Variants in HERC2 observed in about 807,000 individuals in gnomAD.
The protein encoded by HERC2 is HECT and RLD domain containing E3 ubiquitin protein ligase 2.
Under a neutral mutation model 537.7 loss-of-function variants are expected in HERC2, and 102 were observed. The observed-to-expected ratio is 0.19, with a 90% CI of 0.16 to 0.22. The LOEUF (loss-of-function observed/expected upper bound fraction) is 0.22. Among genes scored for constraint, HERC2 ranks in the 10% least tolerant of loss-of-function variants. HERC2 has a pLI of 1.00. For missense variants in HERC2, 4,236 were observed against 6,198.2 expected, an observed-to-expected ratio of 0.68 and a Z score of 10.63; for synonymous variants, 2,224 against 2,466.2, an observed-to-expected ratio of 0.90 and a Z score of 2.91.
intron 76 of HERC2, among the ~76,000 whole-genome samples, 185 bp from the exon 77 acceptor site, chr15:28,142,031 C>G (rs749629934): frequency 6.6e-6 from 1 of 152,156 alleles, no homozygotes; most frequent in Non-Finnish European, 1.5e-5. Flanking sequence ...AATGTCTAGA[C>G]AGTATCATTC....
intron 68 of HERC2, among the ~76,000 whole-genome samples, chr15:28,166,803 G>A (rs956971328): frequency 6.6e-6 from 1 of 151,986 alleles, no homozygotes; most frequent in African/African-American, 2.4e-5. Context: ...CCCAGTGACC[G>A]AGTCCCAGTG....
intron 81 of HERC2, among the ~76,000 whole-genome samples, chr15:28,131,635 T>C (rs982818271): frequency 6.6e-6 from 1 of 152,180 alleles, no homozygotes. Context: ...ACTCAGGCGC[T>C]GTGCAGGCCT....
In HERC2 at chr15:28,268,647, TC is replaced by T. The variant is rs751392843; in HGVS notation, c.1447-32del. ...GAAGGAAAAATACGAAGAAAAGTAG[TC>T]ATCAGTCCAAGGAAAATGAAACCAG... On this transcript the variant is annotated intron_variant, in intron 11 of 92. Transcript: ENST00000261609. The surrounding 1 kb of genome is among the most constrained non-coding windows in gnomAD (Gnocchi z 4.7). 1.4e-5 allele frequency: 22 copies of T among 1,593,712 alleles called. No homozygotes were observed. Among genetic ancestry groups the T allele is most frequent in the Non-Finnish European group, 1.8e-5 (21 of 1,168,024 alleles).
intron 80 of HERC2, 144 bp downstream of exon 80, chr15:28,132,509 T>C: frequency 7.2e-6 from 6 of 829,340 alleles, no homozygotes; most frequent in Non-Finnish European, 1.0e-5. Flanking sequence ...ATGAAGGCTG[T>C]TTATTCACTT....
chr15:28,226,399 T>C (rs1477745291), intron 35 of HERC2, among the ~76,000 whole-genome samples: 1 of 151,246 alleles, frequency 6.6e-6, no homozygotes, highest in African/African-American at 2.5e-5. Context: ...AGGGGGTACC[T>C]GCACAATTAT....
rs758118433 is a variant in HERC2, at chr15:28,168,426, G to A, written c.10394C>T (p.Pro3465Leu). The A allele has an allele frequency of 6.2e-6, 10 of 1,613,516 alleles. No individual in the cohort carries two copies. In the South Asian group the frequency reaches 7.7e-5, roughly 12 times the overall value. The change falls in exon 67 of 93, where the codon CCA (proline) becomes CTA (leucine). Residue 3465 changes from proline to leucine, a missense_variant. Coordinates refer to ENST00000261609, the MANE Select transcript of HERC2 (RefSeq NM_004667.6). ...TTTTACCTCTCTCTTTTCTTGCCAT[G>A]GATTTGGACTCAGTCTGTCTTCGAT... ...VDIEDRLSPN[P>L]WQEKREIVSS... is the part of the protein sequence containing the mutation.
chr15:28,137,439 C>T (rs1890764832), intron 78 of HERC2, among the ~76,000 whole-genome samples: 3 of 152,162 alleles, frequency 2.0e-5, no homozygotes, highest in African/African-American at 4.8e-5. Context: ...AGTCTATCGG[C>T]GCCATTTTCC....
chr15:28,162,546 C>T (rs1214197360), intron 69 of HERC2, among the ~76,000 whole-genome samples: 1 of 152,062 alleles, frequency 6.6e-6, no homozygotes, highest in Non-Finnish European at 1.5e-5. Flanking sequence ...AGAAAAGGGA[C>T]TTAAAGAACT....
chr15:28,212,988 G>C (rs1567021881), intron 42 of HERC2: 1 of 151,506 alleles, frequency 6.6e-6, no homozygotes, highest in Non-Finnish European at 1.5e-5. Context: ...GAGGCGGGCG[G>C]ATCACCTGAG....
Position 28,167,806 on chromosome 15 carries a change from C to G in HERC2, c.10435G>C (p.Val3479Leu), listed in dbSNP as rs751910683. The stretch of plus-strand genomic sequence containing the variant: ...GACGGAGTCACTGCAGAGGGGGTCA[C>G]TGCGTCCTCAGAGGAAACAATCTAG... ...KREIVSSEDA[V>L]TPSAVTPSAP... Residue 3479 changes from valine (V) to leucine (L), a missense_variant, in exon 68 of 93, where the codon GTG (valine) becomes CTG (leucine). Physicochemically the swap from Val to Leu is conservative, Grantham distance 32 (BLOSUM62 1). Coordinates refer to ENST00000261609, the MANE Select transcript of HERC2 (RefSeq NM_004667.6). 2 of 1,613,654 alleles carry G rather than the reference C, an allele frequency of 1.2e-6. No individual in the cohort carries two copies. The highest frequency in any genetic ancestry group is 1.7e-6 in the Non-Finnish European group (2 of 1,179,902).
At chr15:28,218,946 G>A (rs1469240697) in intron 37 of HERC2, among the ~76,000 whole-genome samples, 1 of 151,750 alleles carries the variant, frequency 6.6e-6, no homozygotes, top group Non-Finnish European at 1.5e-5. Flanking sequence ...CTCCCACCTC[G>A]ACCTCCCAAA....
At chr15:28,311,905 T>C (rs1296398718) in intron 2 of HERC2, among the ~76,000 whole-genome samples, 1 of 152,036 alleles carries the variant, frequency 6.6e-6, no homozygotes, top group Non-Finnish European at 1.5e-5. Flanking sequence ...ATGGAACATT[T>C]AAAGACTAAG....
In HERC2 at chr15:28,113,867, T is replaced by C. The variant is rs113186899; in HGVS notation, c.13914-189A>G. ...AGAGCTTCTCCTGACACTGGGCTCA[T>C]CTCGTCCAGCCGACAGGGTACGGCC... On this transcript the variant is annotated intron_variant, in intron 90 of 92. Transcript: ENST00000261609. The surrounding 1 kb of genome is among the most constrained non-coding windows in gnomAD (Gnocchi z 7.0). 1.4e-3 allele frequency: 889 copies of C among 625,428 alleles called. 7 individuals carry two copies. In the African/African-American group the frequency reaches 0.015, roughly 10 times the overall value. 38.7% of individuals were successfully genotyped at this position (625,428 alleles called of 1,614,324 possible).
In HERC2 at chr15:28,225,014, G is replaced by A. The variant is rs117624692; in HGVS notation, c.5465-2799C>T. On this transcript the variant is annotated intron_variant, in intron 35 of 92. Coordinates refer to ENST00000261609, the MANE Select transcript of HERC2 (RefSeq NM_004667.6). ...AGGGATGAAGGGGCAATTATACTATGAAAGTCTGCATTTACAAAAGATGAT... is the reference window on the plus strand; with the variant it reads ...AGGGATGAAGGGGCAATTATACTATAAAAGTCTGCATTTACAAAAGATGAT... 0.01 allele frequency among the ~76,000 whole-genome samples: 1,584 copies of A among 152,314 alleles called. 219 individuals carry two copies. The East Asian group carries it at 0.29, about 28-fold the overall frequency.
chr15:28,137,217 G>A (rs1021018993), intron 78 of HERC2, among the ~76,000 whole-genome samples: 8 of 152,210 alleles, frequency 5.3e-5, no homozygotes, highest in African/African-American at 1.9e-4. Context: ...AATTGACACA[G>A]AGGGGCTATA....
At chr15:28,207,077 T>C (rs1898559859) in intron 44 of HERC2, among the ~76,000 whole-genome samples, 1 of 151,884 alleles carries the variant, frequency 6.6e-6, no homozygotes, top group African/African-American at 2.4e-5. Flanking sequence ...TGTCCTTCAT[T>C]AGTGCATCTG....
intron 35 of HERC2, among the ~76,000 whole-genome samples, chr15:28,226,047 T>C (rs962617888): frequency 2.6e-5 from 4 of 152,192 alleles, no homozygotes; most frequent in African/African-American, 9.6e-5. Context: ...AAAAACAGAA[T>C]ATATGGGAAC....
At position 28,269,000 on chromosome 15, in the gene HERC2, C is replaced by T. The variant is rs973107843; in HGVS notation, c.1446+248G>A. Among the ~76,000 whole-genome samples, 7 of 152,310 alleles carry T rather than the reference C, an allele frequency of 4.6e-5. No individual in the cohort carries two copies. The highest frequency in any genetic ancestry group is 3.9e-4 in the East Asian group (2 of 5,188). Reference sequence around the variant, plus strand: ...GGCCCCAACGTCAAATGAGTTTACACGTGGAAATGAGTTTACAAACGGGAA... The same window carrying T: ...GGCCCCAACGTCAAATGAGTTTACATGTGGAAATGAGTTTACAAACGGGAA... On this transcript the variant is annotated intron_variant, in intron 11 of 92. Coordinates refer to ENST00000261609, the MANE Select transcript of HERC2 (RefSeq NM_004667.6). This position sits in a 1 kb window ranked among gnomAD's most constrained non-coding sequence, Gnocchi z 4.7.
chr15:28,191,581 C>A (rs1396816196), intron 53 of HERC2, among the ~76,000 whole-genome samples: 1 of 152,170 alleles, frequency 6.6e-6, no homozygotes, highest in Non-Finnish European at 1.5e-5. Context: ...CCACGAGGTG[C>A]CTCCACGCGT....
Sources: allele counts gnomAD v4.1 joint callset (sites outside exome capture counted in the v4.1 genomes callset), GRCh38; gene constraint gnomAD v4.1.1; non-coding constraint Gnocchi (gnomAD v3.1); transcripts MANE v1.5; gene names NCBI Gene and HGNC (gene_info 2026-07-23, HGNC 2026-07-21).